The following SEMA3A variants were observed in gnomAD, a reference collection of about 807,000 sequenced individuals.
SEMA3A encodes semaphorin-3A.
In SEMA3A, 29 loss-of-function variants were observed where a neutral mutation model predicts 97.9. The ratio of observed to expected loss-of-function variants is 0.30; its 90% confidence interval spans 0.22 to 0.40. SEMA3A has a LOEUF of 0.40. Ranked by LOEUF, SEMA3A falls within the 10% of genes least tolerant of loss-of-function variation. The pLI is 1.00. For synonymous variants in SEMA3A, 321 were observed against 323.7 expected (o/e 0.99, Z 0.09); for missense variants, 763 against 951.3 (o/e 0.80, Z 2.60).
chr7:84,352,478 CA>C (rs5885411), intron 2 of SEMA3A, among the ~76,000 whole-genome samples: 43,500 of 151,484 alleles, frequency 0.29, 6,725 homozygotes, highest in African/African-American at 0.38. Context: ...ATGTTGGTAT[CA>C]AAATATCTCA....
At chr7:84,311,924 C>A (rs549277140) in intron 2 of SEMA3A, among the ~76,000 whole-genome samples, 1 of 151,720 alleles carries the variant, frequency 6.6e-6, no homozygotes, top group African/African-American at 2.4e-5. Flanking sequence ...ATATGAAAAC[C>A]CATAATGCTT....
chr7:84,481,436 C>T (rs1806442915), intron 1 of SEMA3A, among the ~76,000 whole-genome samples: 1 of 152,026 alleles, frequency 6.6e-6, no homozygotes, highest in Non-Finnish European at 1.5e-5. Context: ...ATTGAAAGAG[C>T]CAGCTACAAC....
chr7:84,435,558 A>C (rs1805105462), intron 1 of SEMA3A, among the ~76,000 whole-genome samples: 1 of 152,226 alleles, frequency 6.6e-6, no homozygotes, highest in Admixed American at 6.5e-5. Context: ...CAGTGAGCCA[A>C]GATCGGGCCA....
At chr7:84,004,039 A>T (rs1790562614) in intron 11 of SEMA3A, among the ~76,000 whole-genome samples, 1 of 150,196 alleles carries the variant, frequency 6.7e-6, no homozygotes, top group South Asian at 2.1e-4. Flanking sequence ...TATGGTTGCC[A>T]TTCTCCTGTA....
rs369840989 is a variant in SEMA3A at position 84,273,389 on chromosome 7, A to C, written c.-83+33818T>G. On this transcript the variant is annotated intron_variant, in intron 3 of 3. Coordinates refer to the SEMA3A transcript ENST00000424555. ...AAACTAAAAGTTCTTTAGTTTAAGA[A>C]GCATAATTAATGATGGAATAAACAA... 8.5e-5 allele frequency among the ~76,000 whole-genome samples: 13 copies of C among 152,276 alleles called. No homozygotes were observed. In the South Asian group the frequency reaches 1.4e-3, roughly 17 times the overall value.
intron 15 of SEMA3A, among the ~76,000 whole-genome samples, chr7:83,969,974 T>G (rs1788853156): frequency 6.6e-6 from 1 of 152,158 alleles, no homozygotes; most frequent in South Asian, 2.1e-4. Context: ...ATTTCACACT[T>G]AGAAAGCAAC....
At position 84,081,300 on chromosome 7, in the gene SEMA3A, C is replaced by T. The variant is rs1361860677; in HGVS notation, c.454-20742G>A. ...ATTTAAAAAACTGGTAAAAATTTCCCAAGCTTGTAGGGCCGGGCGCGGTGG... is the reference window on the plus strand; with the variant it reads ...ATTTAAAAAACTGGTAAAAATTTCCTAAGCTTGTAGGGCCGGGCGCGGTGG... On this transcript the variant is annotated intron_variant, in intron 4 of 16. Coordinates refer to ENST00000265362, the MANE Select transcript of SEMA3A (RefSeq NM_006080.3). 2.0e-5 allele frequency among the ~76,000 whole-genome samples: 3 copies of T among 151,532 alleles called. No homozygotes were observed. In the East Asian group the frequency reaches 5.8e-4, roughly 29 times the overall value.
intron 6 of SEMA3A, among the ~76,000 whole-genome samples, chr7:84,037,328 T>C (rs1459510907): frequency 6.6e-6 from 1 of 151,786 alleles, no homozygotes; most frequent in Non-Finnish European, 1.5e-5. Flanking sequence ...TGTTTATTTG[T>C]TGTTGTTGTT....
chr7:84,237,594 C>A (rs1799265081), intron 3 of SEMA3A, among the ~76,000 whole-genome samples: 1 of 151,856 alleles, frequency 6.6e-6, no homozygotes, highest in East Asian at 1.9e-4. Context: ...AAGATAGATA[C>A]TATTATTGTC....
At chr7:84,237,432 TAATC>T (rs1240751026) in intron 3 of SEMA3A, among the ~76,000 whole-genome samples, 1 of 151,960 alleles carries the variant, frequency 6.6e-6, no homozygotes, top group East Asian at 1.9e-4. Flanking sequence ...AAGAAGTTCA[TAATC>T]AATAAAAGAG....
At chr7:84,061,915 C>G (rs915665302) in intron 4 of SEMA3A, among the ~76,000 whole-genome samples, 1 of 152,120 alleles carries the variant, frequency 6.6e-6, no homozygotes, top group Non-Finnish European at 1.5e-5. Context: ...AATTTATGGG[C>G]TTTCACAGAA....
At chr7:84,160,743 G>A (rs1434730709) in intron 1 of SEMA3A, among the ~76,000 whole-genome samples, 1 of 151,536 alleles carries the variant, frequency 6.6e-6, no homozygotes, top group Admixed American at 6.6e-5. Context: ...ACTTGGGGGT[G>A]GTGGCATGTG....
intron 1 of SEMA3A, among the ~76,000 whole-genome samples, chr7:84,137,322 A>G (rs949945408): frequency 1.3e-5 from 2 of 148,504 alleles, no homozygotes; most frequent in African/African-American, 5.0e-5. Context: ...AATTGCTTGA[A>G]CCTGGGAGGT....
At chr7:84,100,978 C>T (rs1288902026) in intron 4 of SEMA3A, among the ~76,000 whole-genome samples, 1 of 152,150 alleles carries the variant, frequency 6.6e-6, no homozygotes, top group Non-Finnish European at 1.5e-5. Context: ...CATGTCCCTG[C>T]TATTTCTACT....
At chr7:84,020,841 T>C (rs1329715040) in intron 6 of SEMA3A, among the ~76,000 whole-genome samples, 3 of 152,182 alleles carry the variant, frequency 2.0e-5, no homozygotes, top group Non-Finnish European at 4.4e-5. Flanking sequence ...CCCCCTGCAT[T>C]ATCTATTTCC....
At chr7:84,069,498 A>G (rs1037294947) in intron 4 of SEMA3A, among the ~76,000 whole-genome samples, 3 of 152,146 alleles carry the variant, frequency 2.0e-5, no homozygotes, top group Non-Finnish European at 4.4e-5. Flanking sequence ...CTATATTTTT[A>G]TCAGGCAAAA....
At chr7:84,035,879 C>A (rs1421487705) in intron 6 of SEMA3A, among the ~76,000 whole-genome samples, 1 of 152,044 alleles carries the variant, frequency 6.6e-6, no homozygotes, top group Non-Finnish European at 1.5e-5. Context: ...TGAGATAACA[C>A]AATTTAAAAA....
At chr7:84,207,321 A>G (rs1374533979) in intron 3 of SEMA3A, among the ~76,000 whole-genome samples, 1 of 152,196 alleles carries the variant, frequency 6.6e-6, no homozygotes, top group East Asian at 1.9e-4. Flanking sequence ...TGGCTGTCAA[A>G]ACTGTTATTT....
At chr7:84,163,923 G>A (rs7786377) in intron 1 of SEMA3A, among the ~76,000 whole-genome samples, 9,771 of 149,114 alleles carry the variant, frequency 0.066, 663 homozygotes, top group African/African-American at 0.17. Flanking sequence ...TCGGCTCACC[G>A]CAACCTCCGC....
Sources: allele counts gnomAD v4.1 joint callset (sites outside exome capture counted in the v4.1 genomes callset), GRCh38; gene constraint gnomAD v4.1.1; transcripts MANE v1.5; gene names NCBI Gene and HGNC (gene_info 2026-07-23, HGNC 2026-07-21).